Variants in MED26 observed in about 807,000 individuals in gnomAD.
MED26 encodes the protein mediator of RNA polymerase II transcription subunit 26.
Under a neutral mutation model 43.7 loss-of-function variants are expected in MED26, and 7 were observed. The ratio of observed to expected loss-of-function variants is 0.16; its 90% CI spans 0.09 to 0.30. The LOEUF is 0.30. Ranked by LOEUF, MED26 falls within the 10% of genes least tolerant of loss-of-function variation. MED26 has a pLI of 1.00. For missense variants in MED26, 784 were observed against 840.6 expected (o/e 0.93, Z 0.83); for synonymous variants, 375 against 371.1 (o/e 1.01, Z -0.12).
At chr19:16,578,295 C>T (rs777140283) in intron 2 of MED26, 40 bp downstream of exon 2, 1 of 1,587,258 alleles carries the variant, frequency 6.3e-7, no homozygotes, top group Admixed American at 1.7e-5. Context: ...CCCCTGCCCC[C>T]CGTTCTGCCC....
chr19:16,597,761 C>T (rs2086128297), intron 1 of MED26, among the ~76,000 whole-genome samples: 2 of 152,144 alleles, frequency 1.3e-5, no homozygotes, highest in Non-Finnish European at 1.5e-5. Context: ...TACTCTGTCA[C>T]CCAGTATGGA....
At chr19:16,627,422 G>A (rs2086284525) in intron 1 of MED26, among the ~76,000 whole-genome samples, 2 of 152,224 alleles carry the variant, frequency 1.3e-5, no homozygotes, top group Admixed American at 1.3e-4. Context: ...TGATCACCCA[G>A]GAGGCCAAGA....
chr19:16,583,856 G>A (rs2086057792), intron 1 of MED26, among the ~76,000 whole-genome samples: 1 of 152,104 alleles, frequency 6.6e-6, no homozygotes, highest in Non-Finnish European at 1.5e-5. Flanking sequence ...AAGCAGGGAG[G>A]CCTGGTCTCA....
intron 1 of MED26, among the ~76,000 whole-genome samples, chr19:16,619,391 A>T (rs1030901176): frequency 6.6e-6 from 1 of 152,036 alleles, no homozygotes; most frequent in East Asian, 1.9e-4. Context: ...CTACTACATC[A>T]CCCTGGGGGG....
chr19:16,614,654 C>T (rs757928231), intron 1 of MED26, among the ~76,000 whole-genome samples: 8 of 152,164 alleles, frequency 5.3e-5, no homozygotes, highest in African/African-American at 1.2e-4. Context: ...GTCCTGTCGA[C>T]GGCTTCTGGA....
intron 1 of MED26, chr19:16,612,161 T>C (rs1157794625): frequency 6.6e-6 from 1 of 152,234 alleles, no homozygotes; most frequent in African/African-American, 2.4e-5. Context: ...CCAGTCTTGA[T>C]TACCCACCAA....
intron 1 of MED26, among the ~76,000 whole-genome samples, chr19:16,605,352 G>A (rs2086167807): frequency 6.6e-6 from 1 of 152,218 alleles, no homozygotes; most frequent in Admixed American, 6.5e-5. Context: ...TTTAATGCCT[G>A]GAGTTTGAGA....
At chr19:16,582,892 G>C (rs556942075) in intron 1 of MED26, among the ~76,000 whole-genome samples, 1 of 152,184 alleles carries the variant, frequency 6.6e-6, no homozygotes. Context: ...TAAGGACACC[G>C]GGAGGAAAAA....
chr19:16,602,120 T>G (rs534874218), intron 1 of MED26, among the ~76,000 whole-genome samples: 26 of 152,340 alleles, frequency 1.7e-4, no homozygotes, highest in African/African-American at 6.0e-4. Context: ...GTGCACCTGC[T>G]GGTTCATTCA....
chr19:16,575,758 A>C lies in MED26; in HGVS notation c.*269T>G. 2.1e-6 allele frequency: 1 copy of C among 475,768 alleles called. No individual in the cohort carries two copies. Among genetic ancestry groups the C allele is most frequent in the Non-Finnish European group, 3.8e-6 (1 of 261,034 alleles). 29.5% of individuals were successfully genotyped at this position (475,768 alleles called of 1,614,324 possible). A position where few individuals can be genotyped will look rare whatever the true frequency, so the allele number is the denominator to read the frequency against. On this transcript the variant is annotated 3_prime_UTR_variant, in exon 3 of 3. Coordinates refer to ENST00000263390, the MANE Select transcript of MED26 (RefSeq NM_004831.5). ...TAACGCTTTTTATAGCTGGTTTGCT[A>C]TAGAGTTCTGAACTCACTTTGCCGT...
intron 1 of MED26, among the ~76,000 whole-genome samples, chr19:16,601,511 A>T (rs935033204): frequency 6.6e-6 from 1 of 152,196 alleles, no homozygotes; most frequent in African/African-American, 2.4e-5. Context: ...CACACAGATA[A>T]AGCACGCCTG....
At chr19:16,604,842 C>T (rs1382551379) in intron 1 of MED26, among the ~76,000 whole-genome samples, 1 of 152,222 alleles carries the variant, frequency 6.6e-6, no homozygotes, top group African/African-American at 2.4e-5. Flanking sequence ...GTGACACAAG[C>T]CCACACAACT....
chr19:16,581,895 C>T (rs77645095), intron 1 of MED26, among the ~76,000 whole-genome samples: 3,752 of 152,340 alleles, frequency 0.025, 135 homozygotes, highest in Admixed American at 0.084. Flanking sequence ...CTGTCCCCAC[C>T]GTGTGAGCTG....
rs891651399 is a variant in MED26 at position 16,616,495 on chromosome 19, C to T, written c.72+11377G>A. On this transcript the variant is annotated intron_variant, in intron 1 of 2. Coordinates refer to ENST00000263390, the MANE Select transcript of MED26 (RefSeq NM_004831.5). Reference sequence around the variant, plus strand: ...AGGCAGGAGACTGACTAGGACACTGCTGCACTAGACCCCCTGGAGGTCCAG... The same window carrying T: ...AGGCAGGAGACTGACTAGGACACTGTTGCACTAGACCCCCTGGAGGTCCAG... Among the ~76,000 whole-genome samples the T allele has an allele frequency of 5.9e-5, 9 of 152,316 alleles. No homozygotes were observed. The South Asian group carries it at 1.7e-3, about 28-fold the overall frequency.
chr19:16,620,687 G>T (rs1468695469), intron 1 of MED26, among the ~76,000 whole-genome samples: 8 of 152,228 alleles, frequency 5.3e-5, no homozygotes, highest in Non-Finnish European at 4.4e-5. Flanking sequence ...ATTAAGCCAG[G>T]TAAGGTTTCA....
At position 16,580,215 on chromosome 19, in the gene MED26, G is replaced by A. The variant is rs10405797; in HGVS notation, c.73-1806C>T. On this transcript the variant is annotated intron_variant, in intron 1 of 2. Coordinates refer to ENST00000263390, the MANE Select transcript of MED26 (RefSeq NM_004831.5). ...CCAAGACTGCGTGGCAAGAGTTTCCGTAACACATGATTGTAAACTTAGCAT... is the reference window on the plus strand; with the variant it reads ...CCAAGACTGCGTGGCAAGAGTTTCCATAACACATGATTGTAAACTTAGCAT... 4.4e-3 allele frequency among the ~76,000 whole-genome samples: 673 copies of A among 152,254 alleles called. 6 individuals are homozygous for A. Among genetic ancestry groups the A allele is most frequent in the African/African-American group, 0.015 (629 of 41,532 alleles).
At chr19:16,581,659 G>C (rs909803571) in intron 1 of MED26, among the ~76,000 whole-genome samples, 2 of 152,244 alleles carry the variant, frequency 1.3e-5, no homozygotes, top group African/African-American at 4.8e-5. Flanking sequence ...GTCTGGTACT[G>C]AGCTGGTGCC....
At chr19:16,627,749 G>A (rs1425590922) in intron 1 of MED26, 123 bp downstream of exon 1, 2 of 594,580 alleles carry the variant, frequency 3.4e-6, no homozygotes, top group African/African-American at 1.9e-5. Context: ...GGATGGCAGC[G>A]GCCCTCGAGG....
In MED26 at chr19:16,577,751, G is replaced by T. The variant is rs2086020071; in HGVS notation, c.148-69C>A. On this transcript the variant is annotated intron_variant, in intron 2 of 2. Coordinates refer to ENST00000263390, the MANE Select transcript of MED26 (RefSeq NM_004831.5). The surrounding 1 kb of genome is among the most constrained non-coding windows in gnomAD (Gnocchi z 8.1). ...TTCTCCATGAGCTGAGCCAGAAATG[G>T]TGGGAAGTGGCCCTGACAGTGAAAT... The T allele has an allele frequency of 2.3e-6, 3 of 1,311,874 alleles. No homozygotes were observed. Among genetic ancestry groups the T allele is most frequent in the Non-Finnish European group, 3.1e-6 (3 of 955,732 alleles). 81.3% of individuals were successfully genotyped at this position (1,311,874 alleles called of 1,614,324 possible). A position where few individuals can be genotyped will look rare whatever the true frequency, so the allele number is the denominator to read the frequency against.
Sources: allele counts gnomAD v4.1 joint callset (sites outside exome capture counted in the v4.1 genomes callset), GRCh38; gene constraint gnomAD v4.1.1; non-coding constraint Gnocchi (gnomAD v3.1); transcripts MANE v1.5; gene names NCBI Gene and HGNC (gene_info 2026-07-23, HGNC 2026-07-21).